The following PLSCR4 variants were observed in gnomAD, a reference collection of about 807,000 sequenced individuals.
The protein encoded by PLSCR4 is Ca(2+)-dependent phospholipid scramblase 4.
In PLSCR4, 25 loss-of-function variants were observed where a neutral mutation model predicts 36.3. The observed-to-expected ratio is 0.69, with a 90% CI of 0.50 to 0.96. The LOEUF (loss-of-function observed/expected upper bound fraction) is 0.96. Ranked by LOEUF, PLSCR4 falls within the 40% of genes least tolerant of loss-of-function variation. The pLI is 0.00. For missense variants in PLSCR4, 408 were observed against 414.7 expected, an observed-to-expected ratio of 0.98 and a Z score of 0.14; for synonymous variants, 122 against 132.9, an observed-to-expected ratio of 0.92 and a Z score of 0.56.
At chr3:146,228,083 T>C (rs892015925) in intron 1 of PLSCR4, among the ~76,000 whole-genome samples, 2 of 152,204 alleles carry the variant, frequency 1.3e-5, no homozygotes, top group Non-Finnish European at 2.9e-5. Context: ...TGGTCTGTTC[T>C]TAGGTTATCC....
intron 1 of PLSCR4, among the ~76,000 whole-genome samples, chr3:146,225,192 G>T (rs1369050535): frequency 6.7e-6 from 1 of 149,548 alleles, no homozygotes; most frequent in Non-Finnish European, 1.5e-5. Flanking sequence ...TACAATCCCT[G>T]AGCTAGACAT....
At chr3:146,232,207 T>C (rs1463636194) in intron 1 of PLSCR4, among the ~76,000 whole-genome samples, 1 of 152,140 alleles carries the variant, frequency 6.6e-6, no homozygotes, top group African/African-American at 2.4e-5. Flanking sequence ...CATATGTCTG[T>C]TTTTGTACTA....
chr3:146,239,090 TAAA>T (rs1341891616), intron 1 of PLSCR4, among the ~76,000 whole-genome samples: 1 of 152,086 alleles, frequency 6.6e-6, no homozygotes, highest in Non-Finnish European at 1.5e-5. Context: ...TTGAAAGAAT[TAAA>T]GAAGATCTAA....
At chr3:146,237,900 T>A (rs1296173794) in intron 1 of PLSCR4, among the ~76,000 whole-genome samples, 2 of 151,732 alleles carry the variant, frequency 1.3e-5, no homozygotes, top group African/African-American at 4.8e-5. Flanking sequence ...TCAAAAAAGC[T>A]AAAAATTGTT....
intron 3 of PLSCR4, among the ~76,000 whole-genome samples, chr3:146,208,935 T>C (rs538825090): frequency 8.6e-5 from 13 of 151,984 alleles, no homozygotes; most frequent in African/African-American, 3.1e-4. Context: ...GGAAAAGAAG[T>C]CAAAAAAAGA....
At chr3:146,237,187 A>G (rs1211067945) in intron 1 of PLSCR4, among the ~76,000 whole-genome samples, 1 of 152,180 alleles carries the variant, frequency 6.6e-6, no homozygotes, top group Non-Finnish European at 1.5e-5. Context: ...TACTAATCTT[A>G]TACAAATAAA....
chr3:146,222,142 G>A, intron 1 of PLSCR4, 50 bp from the exon 2 acceptor site: 1 of 648,894 alleles, frequency 1.5e-6, no homozygotes, highest in Non-Finnish European at 2.4e-6. Context: ...ATAATAAATA[G>A]TATTGCTACT....
chr3:146,234,765 G>A (rs1046706160), intron 1 of PLSCR4, among the ~76,000 whole-genome samples: 2 of 152,140 alleles, frequency 1.3e-5, no homozygotes, highest in Non-Finnish European at 2.9e-5. Flanking sequence ...GCTAATCCAG[G>A]AGAAATGAAT....
At chr3:146,226,814 A>T (rs1439571761) in intron 1 of PLSCR4, among the ~76,000 whole-genome samples, 1 of 152,186 alleles carries the variant, frequency 6.6e-6, no homozygotes, top group African/African-American at 2.4e-5. Context: ...AAAATAAATA[A>T]AATTTTAGAA....
intron 1 of PLSCR4, among the ~76,000 whole-genome samples, chr3:146,230,863 C>T (rs2035683085): frequency 6.6e-6 from 1 of 152,004 alleles, no homozygotes; most frequent in African/African-American, 2.4e-5. Flanking sequence ...TATTATTTTT[C>T]CTTTTTTAAC....
intron 1 of PLSCR4, among the ~76,000 whole-genome samples, chr3:146,230,544 G>A (rs2035667328): frequency 6.6e-6 from 1 of 152,080 alleles, no homozygotes; most frequent in African/African-American, 2.4e-5. Flanking sequence ...TCCTACTATG[G>A]CCCAACAAAG....
intron 1 of PLSCR4, among the ~76,000 whole-genome samples, chr3:146,237,655 A>G (rs1488823088): frequency 1.3e-5 from 2 of 152,038 alleles, no homozygotes; most frequent in Non-Finnish European, 2.9e-5. Flanking sequence ...TCACAATGAA[A>G]ATTCACAATG....
chr3:146,221,932 A>G, intron 2 of PLSCR4, 133 bp downstream of exon 2: 1 of 437,508 alleles, frequency 2.3e-6, no homozygotes, highest in Middle Eastern at 5.4e-4. Context: ...TATATATGCA[A>G]ACACACACAC....
intron 1 of PLSCR4, among the ~76,000 whole-genome samples, chr3:146,235,416 G>A (rs1057440888): frequency 6.6e-6 from 1 of 152,124 alleles, no homozygotes; most frequent in Admixed American, 6.6e-5. Flanking sequence ...TGCCATGACT[G>A]TAAGTTTCCT....
intron 1 of PLSCR4, among the ~76,000 whole-genome samples, chr3:146,235,430 G>A (rs751395473): frequency 8.5e-5 from 13 of 152,086 alleles, no homozygotes; most frequent in Non-Finnish European, 1.8e-4. Context: ...GTTTCCTGAG[G>A]CCTCCCCAGA....
intron 1 of PLSCR4, among the ~76,000 whole-genome samples, chr3:146,245,767 TGA>T (rs1341106183): frequency 4.6e-5 from 7 of 152,212 alleles, no homozygotes. Context: ...TTATATAAAC[TGA>T]GTTTTTAAAA....
chr3:146,248,298 T>C (rs2036421161), intron 1 of PLSCR4, among the ~76,000 whole-genome samples: 1 of 152,200 alleles, frequency 6.6e-6, no homozygotes, highest in Admixed American at 6.5e-5. Flanking sequence ...AAGAAGGCAA[T>C]GTTCTGTATA....
chr3:146,204,208 G>A (rs2034198582), intron 4 of PLSCR4, among the ~76,000 whole-genome samples: 1 of 151,910 alleles, frequency 6.6e-6, no homozygotes, highest in Admixed American at 6.6e-5. Context: ...TGCTAATTTG[G>A]ATGTTTTAGG....
intron 3 of PLSCR4, among the ~76,000 whole-genome samples, chr3:146,214,499 G>A (rs1056347383): frequency 6.0e-5 from 9 of 150,914 alleles, no homozygotes; most frequent in Non-Finnish European, 1.2e-4. Context: ...ATATGTTTTG[G>A]CATACTGTGT....
Sources: allele counts gnomAD v4.1 joint callset (sites outside exome capture counted in the v4.1 genomes callset), GRCh38; gene constraint gnomAD v4.1.1; transcripts MANE v1.5; gene names NCBI Gene and HGNC (gene_info 2026-07-23, HGNC 2026-07-21).